The following RABGAP1L variants were observed in gnomAD, a reference collection of about 807,000 sequenced individuals.
The protein encoded by RABGAP1L is RAB GTPase activating protein 1 like.
RABGAP1L carries 63 observed loss-of-function variants against 137.7 expected under a neutral mutation model. The ratio of observed to expected loss-of-function variants is 0.46; its 90% CI spans 0.37 to 0.56. The LOEUF is 0.56. RABGAP1L is among the 20% of genes least tolerant of loss of function. RABGAP1L has a pLI of 0.00. For synonymous variants in RABGAP1L, 431 were observed against 433.7 expected, an observed-to-expected ratio of 0.99 and a Z score of 0.08; for missense variants, 1,095 against 1,244.0, an observed-to-expected ratio of 0.88 and a Z score of 1.80.
chr1:174,224,279 C>T (rs1669995118), intron 3 of RABGAP1L, among the ~76,000 whole-genome samples: 1 of 152,044 alleles, frequency 6.6e-6, no homozygotes, highest in Non-Finnish European at 1.5e-5. Context: ...AGTTCAAGAC[C>T]AGCCTGGCCA....
Position 174,597,840 on chromosome 1 carries a change from G to A in RABGAP1L, c.1711-39535G>A, listed in dbSNP as rs79568238. Among the ~76,000 whole-genome samples, 715 of 152,166 alleles carry A rather than the reference G, an allele frequency of 4.7e-3. 18 individuals are homozygous for A. The East Asian group carries it at 0.073, about 16-fold the overall frequency. On this transcript the variant is annotated intron_variant, in intron 13 of 25. Transcript: ENST00000681986. ...TTCACTGTATTCCAGAGATATTGGT[G>A]TGTTGGGTTTCCATTTTAATTTGTT... is the stretch of plus-strand genomic sequence containing the variant.
At chr1:174,977,713 C>T (rs1670768728) in intron 22 of RABGAP1L, among the ~76,000 whole-genome samples, 1 of 152,218 alleles carries the variant, frequency 6.6e-6, no homozygotes, top group South Asian at 2.1e-4. Flanking sequence ...CAAAGACTCT[C>T]AGCCAGCCAA....
intron 17 of RABGAP1L, among the ~76,000 whole-genome samples, chr1:174,748,565 G>A (rs184122245): frequency 2.6e-5 from 4 of 152,210 alleles, no homozygotes; most frequent in Non-Finnish European, 5.9e-5. Context: ...ATATGTTTTA[G>A]GGAAACATAA....
At chr1:174,335,609 G>A (rs1274349923) in intron 11 of RABGAP1L, among the ~76,000 whole-genome samples, 1 of 152,214 alleles carries the variant, frequency 6.6e-6, no homozygotes, top group Admixed American at 6.5e-5. Flanking sequence ...GATTGCCTCT[G>A]TTGAAGTTAG....
chr1:174,833,461 T>TAGAG, intron 19 of RABGAP1L, among the ~76,000 whole-genome samples: 2 of 45,270 alleles, frequency 4.4e-5, no homozygotes, highest in East Asian at 0.021. Flanking sequence ...TATATATATA[T>TAGAG]ATATATAGTA....
intron 11 of RABGAP1L, among the ~76,000 whole-genome samples, chr1:174,352,327 T>A (rs1683270539): frequency 6.6e-6 from 1 of 152,138 alleles, no homozygotes; most frequent in South Asian, 2.1e-4. Context: ...AATTCTTTCT[T>A]CTGCTTGATC....
intron 1 of RABGAP1L, among the ~76,000 whole-genome samples, chr1:174,207,356 G>C (rs12057220): frequency 0.029 from 4,380 of 152,208 alleles, 210 homozygotes; most frequent in African/African-American, 0.095. Flanking sequence ...GAATATTCCA[G>C]CTGTTATTTC....
intron 13 of RABGAP1L, among the ~76,000 whole-genome samples, chr1:174,454,592 C>T (rs186883916): frequency 1.4e-5 from 2 of 142,806 alleles, no homozygotes; most frequent in East Asian, 4.0e-4. Context: ...GCTCTGTTGC[C>T]CAGGCTGGAG....
chr1:174,804,861 CT>C (rs1436704605), intron 18 of RABGAP1L, among the ~76,000 whole-genome samples: 4 of 152,116 alleles, frequency 2.6e-5, no homozygotes, highest in African/African-American at 9.7e-5. Flanking sequence ...ACTTTGTAGA[CT>C]TTCTTAAACA....
intron 5 of RABGAP1L, chr1:174,245,166 G>A (rs1201975335): frequency 1.3e-5 from 2 of 152,186 alleles, no homozygotes; most frequent in Non-Finnish European, 2.9e-5. Flanking sequence ...TACACCTCTT[G>A]GGTTCAAGTG....
At chr1:174,602,645 TG>T (rs1277536973) in intron 13 of RABGAP1L, among the ~76,000 whole-genome samples, 5 of 152,212 alleles carry the variant, frequency 3.3e-5, no homozygotes, top group African/African-American at 1.2e-4. Flanking sequence ...TATTATTTTT[TG>T]CCTTTTCTGA....
intron 19 of RABGAP1L, among the ~76,000 whole-genome samples, chr1:174,814,317 A>G (rs925360136): frequency 1.3e-5 from 2 of 152,300 alleles, no homozygotes; most frequent in South Asian, 2.1e-4. Context: ...AATAATTTGT[A>G]AAGTTTTAAT....
chr1:174,463,815 AT>A (rs146762940), intron 13 of RABGAP1L, among the ~76,000 whole-genome samples: 3,898 of 151,500 alleles, frequency 0.026, 66 homozygotes, highest in Non-Finnish European at 0.037. Flanking sequence ...AGTAAAAAAA[AT>A]AATAATAATA....
intron 13 of RABGAP1L, among the ~76,000 whole-genome samples, chr1:174,423,136 A>G (rs1204136269): frequency 1.3e-5 from 2 of 152,126 alleles, no homozygotes; most frequent in Non-Finnish European, 2.9e-5. Context: ...AAAAAGATCT[A>G]AAGGTACAAA....
chr1:174,331,766 T>G (rs1681052515), intron 11 of RABGAP1L, among the ~76,000 whole-genome samples: 1 of 152,122 alleles, frequency 6.6e-6, no homozygotes, highest in African/African-American at 2.4e-5. Context: ...CATGTTGGTG[T>G]GCTGTACCCA....
chr1:174,955,035 T>A (rs1668315470), intron 19 of RABGAP1L, among the ~76,000 whole-genome samples: 2 of 152,244 alleles, frequency 1.3e-5, no homozygotes, highest in South Asian at 4.1e-4. Flanking sequence ...TGATTGTGTA[T>A]ATTTCCCTTG....
At chr1:174,429,234 C>T (rs928710115) in intron 13 of RABGAP1L, among the ~76,000 whole-genome samples, 1 of 152,106 alleles carries the variant, frequency 6.6e-6, no homozygotes, top group Non-Finnish European at 1.5e-5. Flanking sequence ...TAATAGTGGC[C>T]ATCACTAGTC....
intron 1 of RABGAP1L, among the ~76,000 whole-genome samples, chr1:174,196,503 C>A (rs544306749): frequency 6.6e-6 from 1 of 151,850 alleles, no homozygotes; most frequent in Non-Finnish European, 1.5e-5. Flanking sequence ...GGATTACAGG[C>A]GTGAGCAGCA....
At chr1:174,631,407 G>A (rs1450139285) in intron 13 of RABGAP1L, among the ~76,000 whole-genome samples, 1 of 115,676 alleles carries the variant, frequency 8.6e-6, no homozygotes, top group Non-Finnish European at 1.6e-5. Context: ...TGTCTATTAG[G>A]TCTGCTTGGT....
Sources: gnomAD v4.1 joint callset for allele counts (sites outside exome capture counted in the v4.1 genomes callset) on GRCh38, gnomAD v4.1.1 for gene constraint, MANE v1.5 for transcripts, NCBI Gene and HGNC (gene_info 2026-07-23, HGNC 2026-07-21) for gene names.